Variants in KRT73 observed in about 807,000 individuals in gnomAD.
The protein encoded by KRT73 is keratin, type II cytoskeletal 73.
A neutral mutation model predicts 47.2 loss-of-function variants in KRT73; 44 were observed. That is an observed-to-expected ratio of 0.93 (90% CI 0.73 to 1.20). The LOEUF (loss-of-function observed/expected upper bound fraction) is 1.20. Ranked by LOEUF, KRT73 falls within the 50% of genes most tolerant of loss-of-function variation. KRT73 has a pLI of 0.00. For synonymous variants in KRT73, 285 were observed against 291.3 expected, an observed-to-expected ratio of 0.98 and a Z score of 0.22; for missense variants, 713 against 704.5, an observed-to-expected ratio of 1.01 and a Z score of -0.14.
chr12:52,630,534 A>G, the KRT73 span, among the ~76,000 whole-genome samples: 2 of 151,988 alleles, frequency 1.3e-5, no homozygotes, highest in Non-Finnish European at 2.9e-5. Flanking sequence ...GAGACCAGGT[A>G]CCTTCCTGCA....
upstream of KRT73, among the ~76,000 whole-genome samples, chr12:52,622,097 A>G (rs747644834): frequency 6.6e-6 from 1 of 152,220 alleles, no homozygotes; most frequent in East Asian, 1.9e-4. Context: ...AAAATCACTC[A>G]TTGTGCCAAG....
chr12:52,624,053 A>G, the KRT73 span, among the ~76,000 whole-genome samples: 1 of 152,036 alleles, frequency 6.6e-6, no homozygotes, highest in South Asian at 2.1e-4. Flanking sequence ...TAAAACATGA[A>G]CCAACTATAT....
At chr12:52,629,929 T>A in the KRT73 span, among the ~76,000 whole-genome samples, 1 of 151,760 alleles carries the variant, frequency 6.6e-6, no homozygotes, top group Admixed American at 6.6e-5. Context: ...ACACTCACAC[T>A]CTCCCAGGCC....
chr12:52,623,610 A>G, the KRT73 span, among the ~76,000 whole-genome samples: 1 of 152,164 alleles, frequency 6.6e-6, no homozygotes, highest in African/African-American at 2.4e-5. Context: ...CCTATAAATT[A>G]TGTTCAATGG....
In KRT73 at chr12:52,608,338, A is replaced by G; in HGVS notation, c.1481T>C (p.Leu494Pro). The stretch of plus-strand genomic sequence containing the variant: ...ACTGCCAGTGACACAGCCCCCAGGC[A>G]GCATGCTGTAGCCCCCGCTGACAGA... ...PSSVSGGYSM[L>P]PGGCVTGSGN... Residue 494 changes from leucine to proline, a missense_variant, in exon 9 of 9, where the codon CTG becomes CCG. Leu to Pro is a moderately conservative substitution (Grantham distance 98). Transcript: ENST00000305748. The G allele has an allele frequency of 6.8e-6, 11 of 1,613,856 alleles. No homozygotes were observed. Among genetic ancestry groups the G allele is most frequent in the Non-Finnish European group, 9.3e-6 (11 of 1,180,016 alleles).
At chr12:52,613,523 G>T in intron 5 of KRT73, 165 bp downstream of exon 5, 1 of 1,347,776 alleles carries the variant, frequency 7.4e-7, no homozygotes, top group Non-Finnish European at 9.8e-7. Context: ...TGGGTGCCAA[G>T]GACAGAGCTG....
intron 5 of KRT73, 130 bp downstream of exon 5, chr12:52,613,558 C>T: frequency 2.0e-6 from 3 of 1,494,984 alleles, no homozygotes; most frequent in Non-Finnish European, 1.8e-6. Context: ...CTTTGGCTTC[C>T]CCCAGTGCCC....
the KRT73 span, among the ~76,000 whole-genome samples, chr12:52,624,551 T>A: frequency 2.0e-5 from 3 of 152,082 alleles, no homozygotes; most frequent in African/African-American, 7.2e-5. Flanking sequence ...ACTTAAACCA[T>A]ACAGAGTATG....
rs201733193 is a variant in KRT73 at position 52,616,430 on chromosome 12, A to G, written c.448-50T>C. ...AAGCAATGTGGAGAGGGGATGTGAG[A>G]ATTCCCTTCCTGGACAGGAACTGTG... On this transcript the variant is annotated intron_variant, in intron 1 of 8. Coordinates refer to ENST00000305748, the MANE Select transcript of KRT73 (RefSeq NM_175068.3). The G allele has an allele frequency of 1.2e-5, 19 of 1,599,916 alleles. No individual in the cohort carries two copies. In the Admixed American group the frequency reaches 2.0e-4, roughly 17 times the overall value.
intron 1 of KRT73, among the ~76,000 whole-genome samples, chr12:52,617,561 C>A (rs1416663300): frequency 6.6e-6 from 1 of 152,180 alleles, no homozygotes; most frequent in Non-Finnish European, 1.5e-5. Flanking sequence ...TCTGAGCTTT[C>A]AGGGGACACA....
intron 5 of KRT73, chr12:52,613,443 TG>T: frequency 1.9e-6 from 1 of 523,586 alleles, no homozygotes; most frequent in Non-Finnish European, 3.0e-6. Flanking sequence ...TTCCTCAGTC[TG>T]GACTCTGTTT....
chr12:52,619,371 T>C (rs1940868203), upstream of KRT73, among the ~76,000 whole-genome samples: 1 of 152,234 alleles, frequency 6.6e-6, no homozygotes, highest in Non-Finnish European at 1.5e-5. Flanking sequence ...TGATCCACAT[T>C]ACACAAATGG....
chr12:52,615,413 A>T, intron 2 of KRT73, 74 bp from the exon 3 acceptor site: 1 of 1,203,954 alleles, frequency 8.3e-7, no homozygotes, highest in South Asian at 1.3e-5. Context: ...GTGAAATGAG[A>T]AAAGAGATAC....
chr12:52,613,753 G>C lies in KRT73; in HGVS notation c.919C>G (p.Arg307Gly), dbSNP rs747833195. Reference protein sequence around the residue: ...LDLDSIIAEVRAQYEEIARKS... With the variant: ...LDLDSIIAEVGAQYEEIARKS... ...CGGGCGATCTCCTCATACTGGGCACGGACCTCAGCAATGATGCTGTCCAGG... is the reference window on the plus strand; with the variant it reads ...CGGGCGATCTCCTCATACTGGGCACCGACCTCAGCAATGATGCTGTCCAGG... Residue 307 changes from arginine to glycine, a missense_variant, in exon 5 of 9, where the codon CGT becomes GGT. By Grantham distance (125) the Arg-to-Gly change is moderately radical. Coordinates refer to ENST00000305748, the MANE Select transcript of KRT73 (RefSeq NM_175068.3). 1.9e-6 allele frequency: 3 copies of C among 1,613,996 alleles called. No homozygotes were observed. Among genetic ancestry groups the C allele is most frequent in the African/African-American group, 1.3e-5 (1 of 74,926 alleles).
chr12:52,622,690 G>A (rs1940923707), upstream of KRT73, among the ~76,000 whole-genome samples: 1 of 152,224 alleles, frequency 6.6e-6, no homozygotes, highest in Non-Finnish European at 1.5e-5. Context: ...GCCTGCCACA[G>A]TCCCAGCTCC....
At chr12:52,611,825 C>T (rs1017764790) in intron 5 of KRT73, among the ~76,000 whole-genome samples, 1 of 152,142 alleles carries the variant, frequency 6.6e-6, no homozygotes, top group Non-Finnish European at 1.5e-5. Context: ...CCCATCCATC[C>T]TCCTTTTTCC....
upstream of KRT73, among the ~76,000 whole-genome samples, chr12:52,622,718 G>A (rs12316002): frequency 0.19 from 28,255 of 152,204 alleles, 3,379 homozygotes; most frequent in Non-Finnish European, 0.25. Context: ...ACACGAGGGC[G>A]AAGGGAAGTG....
chr12:52,628,212 A>T, the KRT73 span, among the ~76,000 whole-genome samples: 1 of 152,104 alleles, frequency 6.6e-6, no homozygotes. Context: ...TGCCTGAAGT[A>T]TGGCCCTTAT....
intron 7 of KRT73, 187 bp downstream of exon 7, chr12:52,610,425 AAAG>A (rs1398041362): frequency 1.3e-5 from 8 of 639,954 alleles, no homozygotes; most frequent in Non-Finnish European, 2.2e-5. Context: ...GACTTTCTCC[AAAG>A]AGTCAAAAGA....
Sources: gnomAD v4.1 joint callset for allele counts (sites outside exome capture counted in the v4.1 genomes callset) on GRCh38, gnomAD v4.1.1 for gene constraint, MANE v1.5 for transcripts, NCBI Gene and HGNC (gene_info 2026-07-23, HGNC 2026-07-21) for gene names.